The following GAP43 variants were observed in gnomAD, a reference collection of about 807,000 sequenced individuals.
GAP43 encodes neuromodulin.
In GAP43, 6 loss-of-function variants were observed where a neutral mutation model predicts 18.6. The observed-to-expected ratio is 0.32, with a 90% CI of 0.18 to 0.64. The LOEUF is 0.64. Among genes scored for constraint, GAP43 ranks in the 30% least tolerant of loss-of-function variants. The probability of loss-of-function intolerance (pLI) is 0.78; values close to 1 mark genes in which losing one functional copy is unlikely to be tolerated. For missense variants in GAP43, 292 were observed against 295.5 expected, an observed-to-expected ratio of 0.99 and a Z score of 0.09; for synonymous variants, 115 against 111.4, an observed-to-expected ratio of 1.03 and a Z score of -0.20.
At chr3:115,667,458 T>C (rs947068048) in intron 1 of GAP43, among the ~76,000 whole-genome samples, 1 of 152,222 alleles carries the variant, frequency 6.6e-6, no homozygotes, top group Non-Finnish European at 1.5e-5. Context: ...AAAAAATAGA[T>C]GAACAATCAT....
At chr3:115,668,431 T>C (rs1708761182) in intron 1 of GAP43, among the ~76,000 whole-genome samples, 1 of 152,148 alleles carries the variant, frequency 6.6e-6, no homozygotes, top group African/African-American at 2.4e-5. Context: ...ACCACTTTTA[T>C]TTATTTATTT....
At position 115,680,188 on chromosome 3, in the gene GAP43, G is replaced by A. The variant is rs142913583; in HGVS notation, c.628+3578G>A. 2.8e-3 allele frequency among the ~76,000 whole-genome samples: 424 copies of A among 152,162 alleles called. 2 individuals are homozygous for A. The highest frequency in any genetic ancestry group is 8.5e-3 in the African/African-American group (355 of 41,522). ...AAGATATGATTTTTTGTCCAGGTGC[G>A]GTGGCTCATGCCTGTAATCCCAGCA... On this transcript the variant is annotated intron_variant, in intron 2 of 2. Transcript: ENST00000305124.
intron 2 of GAP43, among the ~76,000 whole-genome samples, chr3:115,683,837 T>G (rs909369229): frequency 6.6e-6 from 1 of 152,134 alleles, no homozygotes; most frequent in African/African-American, 2.4e-5. Context: ...TTCTTTTTTT[T>G]AAAACTCTAC....
chr3:115,677,367 G>T (rs1233912313), intron 2 of GAP43, among the ~76,000 whole-genome samples: 1 of 152,156 alleles, frequency 6.6e-6, no homozygotes, highest in Non-Finnish European at 1.5e-5. Context: ...ATAATTGAGG[G>T]TTCCTATGAT....
At position 115,676,255 on chromosome 3, in the gene GAP43, C is replaced by G. The variant is rs1708883831; in HGVS notation, c.273C>G (p.Ala91=). The G allele has an allele frequency of 3.1e-6, 5 of 1,613,994 alleles. No individual in the cohort carries two copies. The highest frequency in any genetic ancestry group is 4.2e-6 in the Non-Finnish European group (5 of 1,180,030). The change falls in exon 2 of 3, where the codon GCC becomes GCG. Residue 91 remains alanine, a synonymous_variant. Coordinates refer to ENST00000305124, the MANE Select transcript of GAP43 (RefSeq NM_002045.4). ...AAGGCACCACTACTGCCGAAGCAGC[C>G]CCAGCCACTGGCTCCAAGCCTGATG... ...KGEGTTTAEA[A]PATGSKPDEP... is the part of the protein sequence containing the mutation.
chr3:115,641,927 C>G (rs565515652), intron 1 of GAP43, among the ~76,000 whole-genome samples: 145 of 152,088 alleles, frequency 9.5e-4, no homozygotes, highest in African/African-American at 3.4e-3. Context: ...TAGTCCGCTC[C>G]CTCCTGTCTC....
intron 1 of GAP43, among the ~76,000 whole-genome samples, chr3:115,646,389 A>G (rs1708457662): frequency 6.6e-6 from 1 of 152,108 alleles, no homozygotes; most frequent in Admixed American, 6.6e-5. Context: ...AGAAAGGCTC[A>G]ATTAACCAGT....
chr3:115,683,118 TACATGTGCGCGCGC>T lies in GAP43; in HGVS notation c.628+6509_628+6522del, dbSNP rs368497940. ...AAAATATTTTTCTTTTTTCTCTACA[TACATGTGCGCGCGC>T]GTGCGCGCGCGCGCGCACACACACA... On this transcript the variant is annotated intron_variant, in intron 2 of 2. Coordinates refer to ENST00000305124, the MANE Select transcript of GAP43 (RefSeq NM_002045.4). Among the ~76,000 whole-genome samples, 740 of 134,714 alleles carry T rather than the reference TACATGTGCGCGCGC, an allele frequency of 5.5e-3. 9 individuals are homozygous for T. Among genetic ancestry groups the T allele is most frequent in the South Asian group, 0.034 (141 of 4,160 alleles). 88.4% of individuals were successfully genotyped at this position (134,714 alleles called of 152,430 possible).
chr3:115,706,921 A>T (rs1709371688), intron 2 of GAP43, among the ~76,000 whole-genome samples: 1 of 152,200 alleles, frequency 6.6e-6, no homozygotes, highest in Non-Finnish European at 1.5e-5. Flanking sequence ...GTGGCATTTT[A>T]AAATGTTTAT....
At chr3:115,696,181 A>T (rs1488593072) in intron 2 of GAP43, among the ~76,000 whole-genome samples, 1 of 152,076 alleles carries the variant, frequency 6.6e-6, no homozygotes, top group African/African-American at 2.4e-5. Context: ...GATATCTAAT[A>T]GATACCTCAA....
chr3:115,676,701 GAA>G (rs1708895337), intron 2 of GAP43, 91 bp downstream of exon 2: 3 of 1,295,314 alleles, frequency 2.3e-6, no homozygotes, highest in South Asian at 3.2e-5. Flanking sequence ...TGAGGGAGAG[GAA>G]AAAGTCTAGA....
intron 1 of GAP43, among the ~76,000 whole-genome samples, chr3:115,636,856 C>T (rs1254882714): frequency 3.9e-5 from 6 of 152,112 alleles, no homozygotes; most frequent in East Asian, 3.9e-4. Context: ...TTTCCTTTTA[C>T]GTAAAACGAA....
At chr3:115,697,387 A>G (rs772535647) in intron 2 of GAP43, among the ~76,000 whole-genome samples, 2 of 152,150 alleles carry the variant, frequency 1.3e-5, no homozygotes, top group Non-Finnish European at 2.9e-5. Flanking sequence ...TCCGCCACCT[A>G]AGCACATGTT....
chr3:115,688,279 A>G (rs1709060421), intron 2 of GAP43, among the ~76,000 whole-genome samples: 1 of 152,128 alleles, frequency 6.6e-6, no homozygotes, highest in Non-Finnish European at 1.5e-5. Flanking sequence ...TCGGCCTCCC[A>G]AAGTGCTGGG....
rs776342164 is a variant in GAP43, at chr3:115,676,486, C to T, written c.504C>T (p.Ala168=). 29 of 1,613,950 alleles carry T rather than the reference C, an allele frequency of 1.8e-5. No individual in the cohort carries two copies. Among genetic ancestry groups the T allele is most frequent in the East Asian group, 1.6e-4 (7 of 44,880 alleles). The change falls in exon 2 of 3, where the codon GCC becomes GCT. Residue 168 remains alanine (A), a synonymous_variant. Transcript: ENST00000305124. ...DAPAKEEPKQ[A]DVPAAVTAAA... is the part of the protein sequence containing the mutation. ...CAGCCAAGGAGGAGCCTAAACAAGC[C>T]GATGTGCCTGCTGCTGTCACTGCTG...
At chr3:115,679,065 C>T (rs757503106) in intron 2 of GAP43, among the ~76,000 whole-genome samples, 12 of 151,852 alleles carry the variant, frequency 7.9e-5, no homozygotes, top group Non-Finnish European at 1.3e-4. Context: ...TTCATTTTAA[C>T]CTGGGTTAAA....
chr3:115,664,301 C>T (rs529243949), intron 1 of GAP43, among the ~76,000 whole-genome samples: 5 of 151,712 alleles, frequency 3.3e-5, no homozygotes, highest in Non-Finnish European at 7.4e-5. Flanking sequence ...TTTAAGTGTG[C>T]ATATCCCTGA....
At chr3:115,716,159 T>C (rs1709499967) in intron 2 of GAP43, among the ~76,000 whole-genome samples, 1 of 152,182 alleles carries the variant, frequency 6.6e-6, no homozygotes, top group Non-Finnish European at 1.5e-5. Context: ...AGCTGCTGAA[T>C]AGAACAGGTA....
chr3:115,674,203 T>G (rs909364051), intron 1 of GAP43, among the ~76,000 whole-genome samples: 2 of 152,178 alleles, frequency 1.3e-5, no homozygotes, highest in Non-Finnish European at 1.5e-5. Flanking sequence ...TAAACACTCT[T>G]TTATTAGTGG....
Sources: gnomAD v4.1 joint callset for allele counts (sites outside exome capture counted in the v4.1 genomes callset) on GRCh38, gnomAD v4.1.1 for gene constraint, MANE v1.5 for transcripts, NCBI Gene and HGNC (gene_info 2026-07-23, HGNC 2026-07-21) for gene names.